The following ADAP2 variants were observed in gnomAD, a reference collection of about 807,000 sequenced individuals.
The protein encoded by ADAP2 is ArfGAP with dual PH domains 2.
In ADAP2, 42 loss-of-function variants were observed where a neutral mutation model predicts 54.9. That is an observed-to-expected ratio of 0.77 (90% CI 0.60 to 0.99). The LOEUF is 0.99. ADAP2 is among the 50% of genes least tolerant of loss of function. The pLI is 0.00. For synonymous variants in ADAP2, 177 were observed against 180.1 expected, an observed-to-expected ratio of 0.98 and a Z score of 0.14; for missense variants, 429 against 480.4, an observed-to-expected ratio of 0.89 and a Z score of 1.00.
At chr17:30,943,630 C>T (rs565907701) in intron 5 of ADAP2, among the ~76,000 whole-genome samples, 48 of 151,046 alleles carry the variant, frequency 3.2e-4, no homozygotes, top group African/African-American at 1.1e-3. Flanking sequence ...AGGTGGATCA[C>T]GAGGTCAGGA....
intron 3 of ADAP2, among the ~76,000 whole-genome samples, chr17:30,928,692 C>G (rs1471279685): frequency 6.6e-6 from 1 of 152,120 alleles, no homozygotes; most frequent in African/African-American, 2.4e-5. Flanking sequence ...GTGACTGTTT[C>G]ATGGAATTGG....
intron 6 of ADAP2, among the ~76,000 whole-genome samples, chr17:30,946,046 T>C (rs980621526): frequency 6.6e-6 from 1 of 151,042 alleles, no homozygotes; most frequent in Admixed American, 6.6e-5. Context: ...TCCCAGCTAC[T>C]CAGGAGGCGG....
Position 30,927,757 on chromosome 17 carries a change from T to A in ADAP2, c.317+839T>A, listed in dbSNP as rs371142786. ...AATAACAGCCAGGCACAATGGCCAGTGCCTGTAATCCTAGCACTTTGGGAG... is the reference window on the plus strand; with the variant it reads ...AATAACAGCCAGGCACAATGGCCAGAGCCTGTAATCCTAGCACTTTGGGAG... On this transcript the variant is annotated intron_variant, in intron 3 of 10. Transcript: ENST00000330889. Among the ~76,000 whole-genome samples, 23 of 151,978 alleles carry A rather than the reference T, an allele frequency of 1.5e-4. No individual in the cohort carries two copies. In the East Asian group the frequency reaches 1.7e-3, roughly 11 times the overall value.
intron 6 of ADAP2, among the ~76,000 whole-genome samples, chr17:30,945,392 G>A (rs1351578982): frequency 1.3e-5 from 2 of 152,126 alleles, no homozygotes; most frequent in African/African-American, 4.8e-5. Context: ...TGGACAGTCA[G>A]GCAGCAGTGC....
intron 2 of ADAP2, among the ~76,000 whole-genome samples, chr17:30,924,327 C>G (rs921303943): frequency 2.0e-5 from 3 of 151,288 alleles, no homozygotes; most frequent in Non-Finnish European, 4.4e-5. Flanking sequence ...GAGCTGAGAT[C>G]GCACCACTGC....
intron 3 of ADAP2, among the ~76,000 whole-genome samples, chr17:30,928,190 CAAAAA>C (rs1168453604): frequency 3.0e-5 from 1 of 33,226 alleles, no homozygotes; most frequent in Non-Finnish European, 5.9e-5. Context: ...GAGACTGTCT[CAAAAA>C]AAAAAAAAAA....
At chr17:30,950,682 A>C (rs1904563180) in intron 7 of ADAP2, among the ~76,000 whole-genome samples, 1 of 152,110 alleles carries the variant, frequency 6.6e-6, no homozygotes, top group South Asian at 2.1e-4. Flanking sequence ...AGTTGTCTGG[A>C]ATAGGGTCCC....
At chr17:30,929,834 C>T (rs1483109981) in intron 3 of ADAP2, among the ~76,000 whole-genome samples, 2 of 152,118 alleles carry the variant, frequency 1.3e-5, no homozygotes, top group Non-Finnish European at 2.9e-5. Context: ...GTAGCTGGAA[C>T]TACAGGTGCA....
chr17:30,944,621 A>G (rs1912516960), intron 5 of ADAP2, among the ~76,000 whole-genome samples: 1 of 152,114 alleles, frequency 6.6e-6, no homozygotes, highest in South Asian at 2.1e-4. Context: ...CACCACGCCC[A>G]GCTAATTTTT....
At chr17:30,957,403 G>T (rs577483183) in intron 10 of ADAP2, among the ~76,000 whole-genome samples, 1 of 150,140 alleles carries the variant, frequency 6.7e-6, no homozygotes, top group African/African-American at 2.4e-5. Context: ...TTTTATTCTG[G>T]CTCCCTCTGT....
Position 30,953,246 on chromosome 17 carries a change from T to C in ADAP2, c.742-42T>C, listed in dbSNP as rs141540697. On this transcript the variant is annotated intron_variant, in intron 7 of 10. Transcript: ENST00000330889. ...CAAGCTCGGCGGGAACCTGGAGCCT[T>C]GGGGTGTGAGTTGGGGGTCAGTGTC... is the stretch of plus-strand genomic sequence containing the variant. 1,045 of 1,608,634 alleles carry C rather than the reference T, an allele frequency of 6.5e-4. 6 individuals carry two copies. In the African/African-American group the frequency reaches 0.012, roughly 18 times the overall value.
intron 7 of ADAP2, among the ~76,000 whole-genome samples, chr17:30,950,934 G>C (rs1427889354): frequency 6.6e-6 from 1 of 152,172 alleles, no homozygotes; most frequent in East Asian, 1.9e-4. Context: ...AAAGGAAATT[G>C]CTCTTTGGTC....
intron 7 of ADAP2, among the ~76,000 whole-genome samples, chr17:30,949,603 G>T (rs1904451279): frequency 6.6e-6 from 1 of 152,070 alleles, no homozygotes; most frequent in Non-Finnish European, 1.5e-5. Flanking sequence ...AAAAAAATTA[G>T]CCAGGTGTGG....
intron 6 of ADAP2, among the ~76,000 whole-genome samples, chr17:30,947,164 A>T (rs1244222978): frequency 6.6e-6 from 1 of 152,098 alleles, no homozygotes; most frequent in East Asian, 1.9e-4. Context: ...GGCATAAGGG[A>T]TGGGGAGGGG....
At chr17:30,922,911 C>CGAG in intron 1 of ADAP2, 29 bp from the exon 2 acceptor site, 1 of 1,606,624 alleles carries the variant, frequency 6.2e-7, no homozygotes, top group Non-Finnish European at 8.5e-7. Context: ...GCTTTCCGCT[C>CGAG]AGCTCCTCTC....
chr17:30,950,226 A>G (rs568873481), intron 7 of ADAP2, among the ~76,000 whole-genome samples: 3 of 152,218 alleles, frequency 2.0e-5, no homozygotes, highest in Non-Finnish European at 4.4e-5. Flanking sequence ...TAACAGGAGC[A>G]GGTATGCCCT....
At chr17:30,950,266 C>CTT (rs1904530824) in intron 7 of ADAP2, among the ~76,000 whole-genome samples, 3 of 152,156 alleles carry the variant, frequency 2.0e-5, no homozygotes, top group South Asian at 4.1e-4. Flanking sequence ...GAGCCGAGAA[C>CTT]TTCATTTTGA....
chr17:30,932,009 T>A, intron 4 of ADAP2, 41 bp downstream of exon 4: 1 of 1,588,104 alleles, frequency 6.3e-7, no homozygotes, highest in Non-Finnish European at 8.6e-7. Context: ...TATGTTTTAA[T>A]GAGCTCTAGA....
chr17:30,955,679 G>A (rs1204472751), intron 9 of ADAP2, among the ~76,000 whole-genome samples: 2 of 150,724 alleles, frequency 1.3e-5, no homozygotes, highest in East Asian at 3.9e-4. Context: ...TCCAGCCTGG[G>A]TGCAGAGTGA....
Sources: allele counts gnomAD v4.1 joint callset (sites outside exome capture counted in the v4.1 genomes callset), GRCh38; gene constraint gnomAD v4.1.1; transcripts MANE v1.5; gene names NCBI Gene and HGNC (gene_info 2026-07-23, HGNC 2026-07-21).